The following NUP98 variants were observed in gnomAD, a reference collection of about 807,000 sequenced individuals.
The protein encoded by NUP98 is nuclear pore complex protein Nup98-Nup96.
In NUP98, 26 loss-of-function variants were observed where a neutral mutation model predicts 191.9. That is an observed-to-expected ratio of 0.14 (90% CI 0.10 to 0.19). The LOEUF is 0.19. Among genes scored for constraint, NUP98 ranks in the 10% least tolerant of loss-of-function variants. The probability of loss-of-function intolerance (pLI) is 1.00; values close to 1 mark genes in which losing one functional copy is unlikely to be tolerated. For missense variants in NUP98, 1,941 were observed against 2,178.8 expected, an observed-to-expected ratio of 0.89 and a Z score of 2.17; for synonymous variants, 808 against 778.4, an observed-to-expected ratio of 1.04 and a Z score of -0.63.
intron 11 of NUP98, among the ~76,000 whole-genome samples, chr11:3,752,092 C>A (rs1045536179): frequency 6.7e-6 from 1 of 148,972 alleles, no homozygotes; most frequent in African/African-American, 2.5e-5. Flanking sequence ...TGCAGTGAGC[C>A]GAGATTATGC....
intron 28 of NUP98, among the ~76,000 whole-genome samples, chr11:3,690,482 G>A (rs1344758682): frequency 1.3e-5 from 2 of 150,128 alleles, no homozygotes; most frequent in Admixed American, 6.7e-5. Flanking sequence ...GGATGGTCTC[G>A]ATCTCCTGAC....
chr11:3,737,003 T>C (rs1231324117), intron 12 of NUP98, among the ~76,000 whole-genome samples: 1 of 152,146 alleles, frequency 6.6e-6, no homozygotes, highest in Non-Finnish European at 1.5e-5. Flanking sequence ...CAGACATAAG[T>C]AACAATGAAG....
intron 8 of NUP98, among the ~76,000 whole-genome samples, chr11:3,764,441 G>A (rs1040218134): frequency 2.6e-5 from 4 of 151,962 alleles, no homozygotes; most frequent in South Asian, 2.1e-4. Context: ...ATTTTTCTTC[G>A]GTAAATCCCA....
At position 3,690,453 on chromosome 11, in the gene NUP98, G is replaced by T. The variant is rs183296864; in HGVS notation, c.4454+894C>A. On this transcript the variant is annotated intron_variant, in intron 28 of 32. Transcript: ENST00000324932. Reference sequence around the variant, plus strand: ...TTTTTTGTATTTTTAGTAGAGACAGGGTTTCACTGTGTTAGCCAGGATGGT... The same window carrying T: ...TTTTTTGTATTTTTAGTAGAGACAGTGTTTCACTGTGTTAGCCAGGATGGT... 4.6e-3 allele frequency among the ~76,000 whole-genome samples: 689 copies of T among 151,324 alleles called. 7 individuals are homozygous for T. Among genetic ancestry groups the T allele is most frequent in the African/African-American group, 0.016 (651 of 41,178 alleles).
intron 30 of NUP98, among the ~76,000 whole-genome samples, chr11:3,682,046 G>A (rs189075628): frequency 1.2e-4 from 19 of 152,310 alleles, no homozygotes; most frequent in Non-Finnish European, 2.4e-4. Flanking sequence ...TTAATGGAAT[G>A]GAAAGACAGC....
At position 3,678,367 on chromosome 11, in the gene NUP98, T is replaced by A. The variant is rs1464151708; in HGVS notation, c.5073+1187A>T. Among the ~76,000 whole-genome samples the A allele has an allele frequency of 2.0e-5, 3 of 152,300 alleles. No homozygotes were observed. The East Asian group carries it at 5.8e-4, about 29-fold the overall frequency. On this transcript the variant is annotated intron_variant, in intron 31 of 32. Coordinates refer to ENST00000324932, the MANE Select transcript of NUP98 (RefSeq NM_016320.5). ...AATCTATAAGTCTGCTTCCAGAACT[T>A]GAGCTGTTAACCTCTACACTCTATT... is the stretch of plus-strand genomic sequence containing the variant.
chr11:3,762,585 T>C (rs1169347852), intron 9 of NUP98, among the ~76,000 whole-genome samples: 1 of 151,086 alleles, frequency 6.6e-6, no homozygotes, highest in East Asian at 1.9e-4. Context: ...TTAAAAATTA[T>C]CTGATTCAAA....
intron 10 of NUP98, among the ~76,000 whole-genome samples, chr11:3,758,320 CAAAAAAAAA>C (rs113339582): frequency 6.2e-5 from 6 of 97,242 alleles, no homozygotes; most frequent in African/African-American, 2.3e-4. Flanking sequence ...GACTCCGTCT[CAAAAAAAAA>C]AAAAGAAAGA....
intron 26 of NUP98, among the ~76,000 whole-genome samples, chr11:3,693,718 C>G (rs540475079): frequency 2.6e-5 from 4 of 152,100 alleles, no homozygotes; most frequent in Non-Finnish European, 4.4e-5. Context: ...TCAATCAGTA[C>G]TCAAATGAGA....
intron 25 of NUP98, 170 bp downstream of exon 25, chr11:3,698,912 T>G: frequency 1.4e-6 from 1 of 727,430 alleles, no homozygotes; most frequent in Non-Finnish European, 2.3e-6. Flanking sequence ...AAAAGTTAAA[T>G]TTTATGTTAT....
intron 14 of NUP98, among the ~76,000 whole-genome samples, chr11:3,731,002 C>A (rs1015823447): frequency 6.6e-6 from 1 of 152,172 alleles, no homozygotes; most frequent in African/African-American, 2.4e-5. Flanking sequence ...CACAGCGGCT[C>A]ACACCTGTAA....
rs191722904 is a variant in NUP98 at position 3,688,595 on chromosome 11, G to C, written c.4455-2401C>G. On this transcript the variant is annotated intron_variant, in intron 28 of 32. Transcript: ENST00000324932. ...GGATTACTTGAGGTCAGGAGTTCGA[G>C]ACCAGCCTGGCCAACGTGGCAAAAC... Among the ~76,000 whole-genome samples the C allele has an allele frequency of 5.5e-3, 825 of 151,018 alleles. 6 individuals carry two copies. Among genetic ancestry groups the C allele is most frequent in the African/African-American group, 0.017 (694 of 41,278 alleles).
chr11:3,780,774 A>G (rs1013164898), intron 2 of NUP98, among the ~76,000 whole-genome samples: 4 of 151,726 alleles, frequency 2.6e-5, no homozygotes, highest in Middle Eastern at 3.4e-3. Context: ...CACCTCTACA[A>G]AAAATTTTAA....
intron 1 of NUP98, among the ~76,000 whole-genome samples, chr11:3,796,516 T>C (rs970593629): frequency 2.6e-5 from 4 of 152,244 alleles, no homozygotes; most frequent in Non-Finnish European, 5.9e-5. Flanking sequence ...AGGGTACCAC[T>C]AACGAAGCTT....
chr11:3,712,786 C>T, intron 19 of NUP98, 58 bp from the exon 20 acceptor site: 2 of 1,543,360 alleles, frequency 1.3e-6, no homozygotes. Context: ...CCAATACCTG[C>T]CTTTGCAATC....
In NUP98 at chr11:3,793,645, C is replaced by A. The variant is rs1026415412; in HGVS notation, c.-29+3755G>T. On this transcript the variant is annotated intron_variant, in intron 1 of 32. Transcript: ENST00000324932. ...TACTAAAAAAAACTGCAAGTATTTC[C>A]CATTACACTGAATTAAGTACAAATT... Among the ~76,000 whole-genome samples the A allele has an allele frequency of 2.0e-5, 3 of 151,948 alleles. No homozygotes were observed. In the South Asian group the frequency reaches 6.2e-4, roughly 32 times the overall value.
intron 12 of NUP98, among the ~76,000 whole-genome samples, chr11:3,738,137 C>T (rs1282577429): frequency 1.5e-5 from 2 of 132,480 alleles, no homozygotes; most frequent in Non-Finnish European, 3.3e-5. Flanking sequence ...AATCCAAACA[C>T]AAGAAAGTGC....
At chr11:3,736,103 G>T (rs917061790) in intron 12 of NUP98, among the ~76,000 whole-genome samples, 5 of 141,798 alleles carry the variant, frequency 3.5e-5, no homozygotes, top group South Asian at 2.4e-4. Flanking sequence ...TGTGTGTTTT[G>T]TTTTTTTTTT....
chr11:3,696,286 G>A (rs1055236046), intron 25 of NUP98, among the ~76,000 whole-genome samples: 2 of 152,158 alleles, frequency 1.3e-5, no homozygotes, highest in Non-Finnish European at 2.9e-5. Context: ...CAAATCACTT[G>A]GGGTCAGGAG....
Sources: gnomAD v4.1 joint callset for allele counts (sites outside exome capture counted in the v4.1 genomes callset) on GRCh38, gnomAD v4.1.1 for gene constraint, MANE v1.5 for transcripts, NCBI Gene and HGNC (gene_info 2026-07-23, HGNC 2026-07-21) for gene names.